Variants in FGFR1 observed in about 807,000 individuals in gnomAD.
The protein encoded by FGFR1 is fibroblast growth factor receptor 1.
Under a neutral mutation model 93.7 loss-of-function variants are expected in FGFR1, and 18 were observed. The observed-to-expected ratio is 0.19, with a 90% CI of 0.13 to 0.28. FGFR1 has a LOEUF of 0.28. Ranked by LOEUF, FGFR1 falls within the 10% of genes least tolerant of loss-of-function variation. The pLI is 1.00. For synonymous variants in FGFR1, 448 were observed against 429.3 expected (o/e 1.04, Z -0.54); for missense variants, 731 against 1,080.4 (o/e 0.68, Z 4.53).
intron 1 of FGFR1, chr8:38,458,942 G>T (rs17175729): frequency 9.2e-6 from 2 of 217,868 alleles, no homozygotes; most frequent in African/African-American, 2.3e-5. Flanking sequence ...CAGAAGTTGC[G>T]GGGGGCAAGG....
rs1563660565 is a variant in FGFR1, at chr8:38,468,099, G to A, written c.-207C>T. On this transcript the variant is annotated 5_prime_UTR_variant, in exon 1 of 18. Transcript: ENST00000447712. ...CGGGCTCTGTTCGGGTCCTGGCGGG[G>A]TCGCAAGAGCTCCGCGGCCGGCGCT... 4.4e-6 allele frequency: 1 copy of A among 225,532 alleles called. No homozygotes were observed. The highest frequency in any genetic ancestry group is 5.7e-5 in the Admixed American group (1 of 17,460). The allele number at this position is 225,532 out of a possible 1,614,324, so 14.0% of individuals were successfully genotyped here.
chr8:38,447,105 ACACACAC>A (rs1829561156), intron 2 of FGFR1, among the ~76,000 whole-genome samples: 2 of 30,312 alleles, frequency 6.6e-5, no homozygotes, highest in African/African-American at 4.0e-4. Flanking sequence ...GCAAACACAC[ACACACAC>A]ACACACACAC....
chr8:38,467,855 G>T, intron 1 of FGFR1, 126 bp downstream of exon 1: 1 of 228,168 alleles, frequency 4.4e-6, no homozygotes, highest in Non-Finnish European at 8.7e-6. Flanking sequence ...GGCGGGCGGC[G>T]AGCGGAGGGA....
chr8:38,437,362 G>A (rs891711522), intron 2 of FGFR1, among the ~76,000 whole-genome samples: 1 of 152,226 alleles, frequency 6.6e-6, no homozygotes, highest in East Asian at 1.9e-4. Context: ...GAAGGCATAT[G>A]TCTTGCCCTA....
Position 38,413,538 on chromosome 8 carries a change from G to C in FGFR1, c.*90C>G. On this transcript the variant is annotated 3_prime_UTR_variant, in exon 18 of 18. Coordinates refer to ENST00000447712, the MANE Select transcript of FGFR1 (RefSeq NM_023110.3). The surrounding 1 kb of genome is among the most constrained non-coding windows in gnomAD (Gnocchi z 4.2). ...GCCGGCTCCTGCCAGCAGGAAAGGG[G>C]ACAGGGACGGACAGGTGGTGGGCCC... 28 of 1,421,316 alleles carry C rather than the reference G, an allele frequency of 2.0e-5. No individual in the cohort carries two copies. The highest frequency in any genetic ancestry group is 2.4e-5 in the Non-Finnish European group (25 of 1,048,996). The allele number at this position is 1,421,316 out of a possible 1,614,324, so 88.0% of individuals were successfully genotyped here. A position where few individuals can be genotyped will look rare whatever the true frequency, so the allele number is the denominator to read the frequency against.
chr8:38,443,107 G>A (rs1265888094), intron 2 of FGFR1, among the ~76,000 whole-genome samples: 1 of 152,208 alleles, frequency 6.6e-6, no homozygotes. Context: ...GGGGAGAAGG[G>A]GGAGTTAGCG....
intron 1 of FGFR1, among the ~76,000 whole-genome samples, chr8:38,464,444 G>A (rs920432116): frequency 6.6e-6 from 1 of 151,946 alleles, no homozygotes; most frequent in Admixed American, 6.6e-5. Flanking sequence ...GTTCATCCAT[G>A]TGAGGGCTAT....
intron 1 of FGFR1, among the ~76,000 whole-genome samples, chr8:38,457,820 T>C (rs1200606534): frequency 6.6e-6 from 1 of 152,052 alleles, no homozygotes; most frequent in Non-Finnish European, 1.5e-5. Flanking sequence ...CCGTCTCTAC[T>C]AAAAATACAA....
intron 5 of FGFR1, among the ~76,000 whole-genome samples, chr8:38,427,396 A>G (rs1821175479): frequency 6.6e-6 from 1 of 152,112 alleles, no homozygotes; most frequent in Admixed American, 6.5e-5. Flanking sequence ...CTCCTGCTTC[A>G]GCCTCCCCAG....
intron 2 of FGFR1, among the ~76,000 whole-genome samples, chr8:38,446,877 G>A (rs899263642): frequency 1.3e-5 from 2 of 152,054 alleles, no homozygotes; most frequent in African/African-American, 4.8e-5. Context: ...ACACATTCTA[G>A]GCTAACTGTG....
chr8:38,452,847 C>T (rs913804966), intron 2 of FGFR1, among the ~76,000 whole-genome samples: 7 of 152,216 alleles, frequency 4.6e-5, no homozygotes, highest in East Asian at 3.9e-4. Flanking sequence ...CGTGGTGGCA[C>T]GCGCCTGTAA....
intron 8 of FGFR1, among the ~76,000 whole-genome samples, chr8:38,421,059 T>C (rs913065755): frequency 6.6e-5 from 10 of 152,038 alleles, no homozygotes; most frequent in Admixed American, 6.6e-4. Flanking sequence ...AAGAGGGCAG[T>C]GCCAGCAGGA....
intron 2 of FGFR1, among the ~76,000 whole-genome samples, chr8:38,448,303 G>A (rs555658008): frequency 1.6e-4 from 23 of 146,064 alleles, no homozygotes; most frequent in Non-Finnish European, 1.3e-4. Context: ...TTTTTGAGAC[G>A]GAGTTTCGCT....
In FGFR1 at chr8:38,429,776, C is replaced by A. The variant is rs746440133; in HGVS notation, c.264G>T (p.Val88=). 2 of 1,610,128 alleles carry A rather than the reference C, an allele frequency of 1.2e-6. No individual in the cohort carries two copies. The highest frequency in any genetic ancestry group is 2.2e-5 in the South Asian group (2 of 90,124). The change falls in exon 3 of 18, where the codon GTG becomes GTT. Residue 88 remains valine, a synonymous_variant. Coordinates refer to ENST00000447712, the MANE Select transcript of FGFR1 (RefSeq NM_023110.3). This position sits in a 1 kb window ranked among gnomAD's most constrained non-coding sequence, Gnocchi z 4.4. ...CGGAGTCTGCGGGCACGGAGTCCTGCACCTCCACCTCCTCCCCTGTGATGC... is the reference window on the plus strand; with the variant it reads ...CGGAGTCTGCGGGCACGGAGTCCTGAACCTCCACCTCCTCCCCTGTGATGC... ...RTRITGEEVE[V]QDSVPADSGL...
At chr8:38,449,976 C>T (rs1422810959) in intron 2 of FGFR1, among the ~76,000 whole-genome samples, 1 of 152,222 alleles carries the variant, frequency 6.6e-6, no homozygotes, top group East Asian at 1.9e-4. Context: ...AACAGGCCCA[C>T]TACCGGGGAG....
intron 2 of FGFR1, among the ~76,000 whole-genome samples, chr8:38,445,174 C>T (rs1828907435): frequency 6.6e-6 from 1 of 152,168 alleles, no homozygotes. Context: ...CACAAAGCTC[C>T]CTCTGATGTG....
chr8:38,424,256 C>A lies in FGFR1; in HGVS notation c.936+253G>T. On this transcript the variant is annotated intron_variant, in intron 7 of 17. Transcript: ENST00000447712. This position sits in a 1 kb window ranked among gnomAD's most constrained non-coding sequence, Gnocchi z 4.3. The stretch of plus-strand genomic sequence containing the variant: ...TGACCCCAAAGCCCCAGTGACGTTG[C>A]TCTCAAAGCTTATTACAGACCAGCA... The A allele has an allele frequency of 1.5e-6, 1 of 652,134 alleles. No individual in the cohort carries two copies. Among genetic ancestry groups the A allele is most frequent in the Non-Finnish European group, 2.9e-6 (1 of 346,034 alleles). The allele number at this position is 652,134 out of a possible 1,614,324, so 40.4% of individuals were successfully genotyped here.
intron 2 of FGFR1, among the ~76,000 whole-genome samples, chr8:38,448,590 T>C (rs915315918): frequency 9.9e-5 from 15 of 152,236 alleles, no homozygotes; most frequent in African/African-American, 3.6e-4. Context: ...AACTTTGCTC[T>C]AGTGGAGTAA....
intron 2 of FGFR1, among the ~76,000 whole-genome samples, chr8:38,449,320 T>G (rs140278260): frequency 2.6e-5 from 4 of 152,012 alleles, no homozygotes; most frequent in Non-Finnish European, 5.9e-5. Flanking sequence ...GATAAAACAA[T>G]GTATAAAGTA....
Sources: allele counts gnomAD v4.1 joint callset (sites outside exome capture counted in the v4.1 genomes callset), GRCh38; gene constraint gnomAD v4.1.1; non-coding constraint Gnocchi (gnomAD v3.1); transcripts MANE v1.5; gene names NCBI Gene and HGNC (gene_info 2026-07-23, HGNC 2026-07-21).